SRCAP: variants seen among roughly 807,000 people sequenced by gnomAD.
SRCAP encodes the protein chromatin remodeling protein SRCAP.
Under a neutral mutation model 263.1 loss-of-function variants are expected in SRCAP, and 46 were observed. That is an observed-to-expected ratio of 0.17 (90% CI 0.14 to 0.22). SRCAP has a LOEUF of 0.22. SRCAP is among the 10% of genes least tolerant of loss of function. The probability of loss-of-function intolerance (pLI) is 1.00; values close to 1 mark genes in which losing one functional copy is unlikely to be tolerated. For missense variants in SRCAP, 3,695 were observed against 4,181.9 expected, an observed-to-expected ratio of 0.88 and a Z score of 3.21; for synonymous variants, 1,813 against 1,662.1, an observed-to-expected ratio of 1.09 and a Z score of -2.21.
chr16:30,741,276 C>T lies in SRCAP; in HGVS notation c.*1543C>T, dbSNP rs2053222183. On this transcript the variant is annotated 3_prime_UTR_variant, in exon 34 of 34. Coordinates refer to ENST00000262518, the MANE Select transcript of SRCAP (RefSeq NM_006662.3). ...TAACTGTTTTCATGTAAAATGGCTG[C>T]TTTGCTTGAAACGGGTTGCAGTACC... is the stretch of plus-strand genomic sequence containing the variant. 1 of 152,974 alleles carries T rather than the reference C, an allele frequency of 6.5e-6. No homozygotes were observed. The highest frequency in any genetic ancestry group is 2.4e-5 in the African/African-American group (1 of 41,452). The allele number at this position is 152,974 out of a possible 1,614,324, so 9.5% of individuals were successfully genotyped here.
intron 18 of SRCAP, among the ~76,000 whole-genome samples, chr16:30,717,610 CTTTTTTTTTTT>C (rs34512915): frequency 1.1e-5 from 1 of 91,146 alleles, no homozygotes; most frequent in Non-Finnish European, 2.0e-5. Context: ...CCAAGCCTGG[CTTTTTTTTTTT>C]TTTTTTTTTT....
Position 30,722,259 on chromosome 16 carries a change from G to A in SRCAP, c.3679G>A (p.Ala1227Thr). Residue 1227 changes from alanine to threonine, a missense_variant, in exon 22 of 34, where the codon GCT becomes ACT. Ala to Thr is a moderately conservative substitution (Grantham distance 58, BLOSUM62 0). This residue lies in a region of SRCAP where 1,347 missense variants were observed against 1,304.4 expected (regional missense o/e 1.03). Transcript: ENST00000262518. ...GACTGGTGCCCAGGTGCGCCAGCTT[G>A]CTGTGGGGCAGCCCCGCCCGCTGCA... is the stretch of plus-strand genomic sequence containing the variant. Reference protein sequence around the residue: ...TLTGAQVRQLAVGQPRPLQRN... With the variant: ...TLTGAQVRQLTVGQPRPLQRN... The A allele has an allele frequency of 6.2e-7, 1 of 1,614,100 alleles. No homozygotes were observed. Among genetic ancestry groups the A allele is most frequent in the Non-Finnish European group, 8.5e-7 (1 of 1,180,020 alleles).
At chr16:30,709,437 T>A in intron 6 of SRCAP, 76 bp from the exon 7 acceptor site, 6 of 1,504,750 alleles carry the variant, frequency 4.0e-6, no homozygotes, top group Non-Finnish European at 5.5e-6. Context: ...TTAAAGAAGG[T>A]CTCCCTAAAC....
chr16:30,734,382 G>T, intron 30 of SRCAP, 114 bp from the exon 31 acceptor site: 1 of 1,469,412 alleles, frequency 6.8e-7, no homozygotes. Context: ...CTTCACAGAC[G>T]TGCGTCTTCA....
At position 30,720,953 on chromosome 16, in the gene SRCAP, G is replaced by C. The variant is rs745968926; in HGVS notation, c.3228G>C (p.Gln1076His). 1 of 1,610,630 alleles carries C rather than the reference G, an allele frequency of 6.2e-7. No homozygotes were observed. Among genetic ancestry groups the C allele is most frequent in the Non-Finnish European group, 8.5e-7 (1 of 1,178,224 alleles). Residue 1076 changes from glutamine (Q) to histidine (H), a missense_variant, in exon 20 of 34, where the codon CAG (glutamine) becomes CAC (histidine). Coordinates refer to ENST00000262518, the MANE Select transcript of SRCAP (RefSeq NM_006662.3). ...GCCCTGTCCTCTTGCCTCCACTGCAGCCCAACAGTGGTTCTCTCCCCCAGG... is the reference window on the plus strand; with the variant it reads ...GCCCTGTCCTCTTGCCTCCACTGCACCCCAACAGTGGTTCTCTCCCCCAGG... ...PPGPVLLPPL[Q>H]PNSGSLPQVL...
At chr16:30,732,768 A>G (rs919336740) in intron 27 of SRCAP, among the ~76,000 whole-genome samples, 1 of 152,248 alleles carries the variant, frequency 6.6e-6, no homozygotes, top group Non-Finnish European at 1.5e-5. Flanking sequence ...CCAAGAAGTT[A>G]GATTCTAGGC....
chr16:30,725,282 A>T, intron 25 of SRCAP, 200 bp downstream of exon 25: 2 of 1,180,648 alleles, frequency 1.7e-6, no homozygotes, highest in Non-Finnish European at 2.3e-6. Context: ...CAGCCTCCTG[A>T]AGTGTTAGGA....
intron 18 of SRCAP, among the ~76,000 whole-genome samples, chr16:30,717,407 G>T (rs747547362): frequency 2.0e-5 from 3 of 151,580 alleles, no homozygotes; most frequent in Non-Finnish European, 2.9e-5. Context: ...TTGCCTTTTC[G>T]CTATGTTGAT....
chr16:30,739,657 G>A lies in SRCAP; in HGVS notation c.9617G>A (p.Arg3206His), dbSNP rs868190529. ...LVGTTNQGDQ[R>H]ILRSSAPPSL... is the part of the protein sequence containing the mutation. ...GGGACCACCAACCAAGGGGACCAGCGCATCCTGCGCAGCAGCGCCCCTCCC... is the reference window on the plus strand; with the variant it reads ...GGGACCACCAACCAAGGGGACCAGCACATCCTGCGCAGCAGCGCCCCTCCC... Residue 3206 changes from arginine (R) to histidine (H), a missense_variant, in exon 34 of 34, where the codon CGC becomes CAC. Physicochemically the swap from Arg to His is conservative, Grantham distance 29. This residue lies in a region of SRCAP where 1,207 missense variants were observed against 1,142.9 expected (regional missense o/e 1.06). Transcript: ENST00000262518. 10 of 1,584,154 alleles carry A rather than the reference G, an allele frequency of 6.3e-6. No individual in the cohort carries two copies. Among genetic ancestry groups the A allele is most frequent in the Middle Eastern group, 2.0e-4 (1 of 4,930 alleles).
intron 19 of SRCAP, 97 bp from the exon 20 acceptor site, chr16:30,720,606 CTTTGCTTTTA>C (rs1307450785): frequency 7.5e-7 from 1 of 1,339,774 alleles, no homozygotes; most frequent in Non-Finnish European, 1.0e-6. Flanking sequence ...CTTTCCTTTT[CTTTGCTTTTA>C]TAATCTGTCT....
intron 8 of SRCAP, 75 bp downstream of exon 8, chr16:30,710,203 G>A (rs2052872549): frequency 1.3e-6 from 2 of 1,488,586 alleles, no homozygotes; most frequent in African/African-American, 1.4e-5. Context: ...GTTCCGGGCT[G>A]TGAGGTTGGT....
Position 30,733,582 on chromosome 16 carries a change from T to A in SRCAP, c.6298-20T>A, listed in dbSNP as rs754113816. ...GGGGATAAGTCTCCCAGTATCATCT[T>A]TTTTTCCCTTTCCTTCTAGGCCTTG... On this transcript the variant is annotated intron_variant, in intron 28 of 33. Coordinates refer to ENST00000262518, the MANE Select transcript of SRCAP (RefSeq NM_006662.3). This position sits in a 1 kb window ranked among gnomAD's most constrained non-coding sequence, Gnocchi z 5.3. 3 of 1,606,584 alleles carry A rather than the reference T, an allele frequency of 1.9e-6. No homozygotes were observed. The African/African-American group carries it at 4.0e-5, about 22-fold the overall frequency.
At chr16:30,726,792 C>T (rs1484441952) in intron 25 of SRCAP, among the ~76,000 whole-genome samples, 1 of 152,170 alleles carries the variant, frequency 6.6e-6, no homozygotes, top group Non-Finnish European at 1.5e-5. Flanking sequence ...CCTCCACTTC[C>T]CAGGCTCAAA....
At chr16:30,736,469 T>C (rs1202581512) in intron 32 of SRCAP, 72 bp from the exon 33 acceptor site, 1 of 1,609,706 alleles carries the variant, frequency 6.2e-7, no homozygotes, top group Non-Finnish European at 8.5e-7. Context: ...TCTTCCCTGG[T>C]GGGAATAAAT....
Position 30,739,125 on chromosome 16 carries a change from A to G in SRCAP, c.9085A>G (p.Ser3029Gly), listed in dbSNP as rs1405776029. Residue 3029 changes from serine (S) to glycine (G), a missense_variant, in exon 34 of 34, where the codon AGC (serine) becomes GGC (glycine). Around this residue, in one of 12 missense-constraint regions of SRCAP, gnomAD observed 1,207 missense variants for 1,142.9 expected, o/e 1.06. Coordinates refer to ENST00000262518, the MANE Select transcript of SRCAP (RefSeq NM_006662.3). ...PSQLPVLDRDSTSVLESCGLG... is the reference protein window; with the variant it reads ...PSQLPVLDRDGTSVLESCGLG... ...CCAGCTCCCCGTCTTGGACCGTGAC[A>G]GCACTTCTGTTCTCGAGAGCTGTGG... 1.9e-6 allele frequency: 3 copies of G among 1,614,214 alleles called. No homozygotes were observed. Among genetic ancestry groups the G allele is most frequent in the Non-Finnish European group, 2.5e-6 (3 of 1,180,028 alleles).
At chr16:30,710,248 T>C (rs774259689) in intron 8 of SRCAP, 120 bp downstream of exon 8, 173 of 1,030,614 alleles carry the variant, frequency 1.7e-4, no homozygotes, top group Non-Finnish European at 2.3e-4. Context: ...TAATGGACAT[T>C]TGGGCTCTTT....
chr16:30,723,840 G>C lies in SRCAP; in HGVS notation c.4416G>C (p.Leu1472=). ...PLTVSASGPA[L]LTSVTPPLAP... is the part of the protein sequence containing the mutation. ...CTGTTTCTGCTTCGGGCCCAGCTCT[G>C]TTGACCAGTGTGACTCCACCATTGG... Residue 1472 remains leucine, a synonymous_variant, in exon 25 of 34, where the codon CTG becomes CTC. Coordinates refer to ENST00000262518, the MANE Select transcript of SRCAP (RefSeq NM_006662.3). The C allele has an allele frequency of 1.2e-6, 2 of 1,613,984 alleles. No individual in the cohort carries two copies. The highest frequency in any genetic ancestry group is 1.7e-6 in the Non-Finnish European group (2 of 1,179,998).
intron 3 of SRCAP, 61 bp from the exon 4 acceptor site, chr16:30,704,003 A>G (rs2052797770): frequency 1.3e-6 from 2 of 1,530,844 alleles, no homozygotes; most frequent in Non-Finnish European, 1.8e-6. Context: ...GAAATAATGT[A>G]TCTAAAACAC....
rs2053041004 is a variant in SRCAP at position 30,724,292 on chromosome 16, C to T, written c.4868C>T (p.Ala1623Val). 2 of 1,614,030 alleles carry T rather than the reference C, an allele frequency of 1.2e-6. No individual in the cohort carries two copies. The highest frequency in any genetic ancestry group is 1.1e-5 in the South Asian group (1 of 91,080). The change falls in exon 25 of 34, where the codon GCT becomes GTT. Residue 1623 changes from alanine to valine, a missense_variant. Transcript: ENST00000262518. ...APSPGAAPVL[A>V]SSQTPVPVMA... ...TCGCCAGGTGCTGCTCCTGTCCTGG[C>T]TTCATCACAGACTCCGGTTCCAGTT... is the stretch of plus-strand genomic sequence containing the variant.
Sources: gnomAD v4.1 joint callset for allele counts (sites outside exome capture counted in the v4.1 genomes callset) on GRCh38, gnomAD v4.1.1 for gene constraint, gnomAD v4.1.1 regional missense constraint, Gnocchi (gnomAD v3.1) non-coding constraint, MANE v1.5 for transcripts, NCBI Gene and HGNC (gene_info 2026-07-23, HGNC 2026-07-21) for gene names.